Variants in HFM1 observed in about 807,000 individuals in gnomAD.
The protein encoded by HFM1 is helicase for meiosis 1.
In HFM1, 169 loss-of-function variants were observed where a neutral mutation model predicts 192.1. The observed-to-expected ratio is 0.88, with a 90% CI of 0.78 to 1.00. The LOEUF (loss-of-function observed/expected upper bound fraction) is 1.00, where lower values mean the gene tolerates loss of function less well. HFM1 is among the 50% of genes least tolerant of loss of function. The pLI is 0.00. For synonymous variants in HFM1, 525 were observed against 537.8 expected (o/e 0.98, Z 0.33); for missense variants, 1,661 against 1,668.0 (o/e 1.00, Z 0.07).
rs1045865047 is a variant in HFM1 at position 91,380,234 on chromosome 1, A to C, written c.876T>G (p.Leu292=). 10 of 1,527,554 alleles carry C rather than the reference A, an allele frequency of 6.5e-6. No homozygotes were observed. The highest frequency in any genetic ancestry group is 2.1e-5 in the Admixed American group (1 of 47,400). 94.6% of individuals were successfully genotyped at this position (1,527,554 alleles called of 1,614,324 possible). A position where few individuals can be genotyped will look rare whatever the true frequency, so the allele number is the denominator to read the frequency against. ...TCACAAAATTCCTATCTGTGTAAAG[A>C]AGCTAAAAAATAAAAAGTAATCAAT... is the stretch of plus-strand genomic sequence containing the variant. ...NYIQSKAFDD[L]LYTDRNFVIC... Residue 292 remains leucine, a splice_region_variant and synonymous_variant, in exon 8 of 39, where the codon CTT becomes CTG. Coordinates refer to ENST00000370425, the MANE Select transcript of HFM1 (RefSeq NM_001017975.6).
At position 91,352,487 on chromosome 1, in the gene HFM1, C is replaced by A; in HGVS notation, c.1977+19G>T. ...TTATCATGTTTTTAAGTATAAAAAG[C>A]AAAGTTATTGTCACTTACTTGAGGT... On this transcript the variant is annotated intron_variant, in intron 16 of 38. Coordinates refer to ENST00000370425, the MANE Select transcript of HFM1 (RefSeq NM_001017975.6). The A allele has an allele frequency of 2.0e-6, 3 of 1,527,090 alleles. No individual in the cohort carries two copies. The highest frequency in any genetic ancestry group is 1.4e-5 in the South Asian group (1 of 73,520). The allele number at this position is 1,527,090 out of a possible 1,614,324, so 94.6% of individuals were successfully genotyped here.
intron 20 of HFM1, among the ~76,000 whole-genome samples, chr1:91,339,893 G>A (rs1209901165): frequency 6.6e-6 from 1 of 151,874 alleles, no homozygotes; most frequent in Non-Finnish European, 1.5e-5. Flanking sequence ...AATATTCAGG[G>A]CAACTAGACA....
upstream of HFM1, among the ~76,000 whole-genome samples, chr1:91,407,210 G>A (rs1664844961): frequency 6.6e-6 from 1 of 152,110 alleles, no homozygotes; most frequent in Non-Finnish European, 1.5e-5. Flanking sequence ...CCCGTTGGGG[G>A]GTGAGGGGCT....
chr1:91,319,319 A>C lies in HFM1; in HGVS notation c.2654T>G (p.Phe885Cys), dbSNP rs763634505. ...FALTQDTAKI[F>C]RHGSRITRWL... Reference sequence around the variant, plus strand: ...TCTTGTAATTCGGGAGCCATGTCTGAAAATCTTTGCGGTATCTTGTGTCAA... The same window carrying C: ...TCTTGTAATTCGGGAGCCATGTCTGCAAATCTTTGCGGTATCTTGTGTCAA... Residue 885 changes from phenylalanine to cysteine, a missense_variant, in exon 24 of 39, where the codon TTC becomes TGC. Coordinates refer to ENST00000370425, the MANE Select transcript of HFM1 (RefSeq NM_001017975.6). 6 of 1,611,704 alleles carry C rather than the reference A, an allele frequency of 3.7e-6. No individual in the cohort carries two copies. Among genetic ancestry groups the C allele is most frequent in the Non-Finnish European group, 5.1e-6 (6 of 1,177,982 alleles).
intron 34 of HFM1, among the ~76,000 whole-genome samples, chr1:91,269,652 G>C (rs955316648): frequency 1.3e-5 from 2 of 152,138 alleles, no homozygotes; most frequent in Non-Finnish European, 2.9e-5. Context: ...GAATGCAGAG[G>C]AAGGAGGATC....
At chr1:91,271,935 A>G (rs1666339968) in intron 34 of HFM1, among the ~76,000 whole-genome samples, 1 of 152,144 alleles carries the variant, frequency 6.6e-6, no homozygotes, top group South Asian at 2.1e-4. Flanking sequence ...GGCTTCTTTC[A>G]CTATAAAATG....
At chr1:91,343,230 C>CAGAAA in intron 20 of HFM1, among the ~76,000 whole-genome samples, 200 bp downstream of exon 20, 1 of 74,874 alleles carries the variant, frequency 1.3e-5, no homozygotes, top group South Asian at 6.3e-4. Flanking sequence ...GACTCTGTCT[C>CAGAAA]AAAAAAAAAA....
Position 91,347,465 on chromosome 1 carries a change from C to A in HFM1, c.2218G>T (p.Gly740Ter), listed in dbSNP as rs1225544201. 1.4e-5 allele frequency: 23 copies of A among 1,586,368 alleles called. No individual in the cohort carries two copies. The highest frequency in any genetic ancestry group is 1.8e-5 in the Non-Finnish European group (21 of 1,164,936). Residue 740 changes from glycine (G) to a stop codon, truncating the protein, a stop_gained, in exon 19 of 39, where the codon GGA becomes TGA. Transcript: ENST00000370425. LOFTEE classifies it high-confidence loss of function. ...GCTTCAATTCCATCTTTGTTCAATC[C>A]AGATGCAAAACCTGCATGTCATGAA... The part of the protein sequence containing the change: ...KNPSHYGFAS[G>*]LNKDGIEAKL...
At chr1:91,291,468 C>T (rs1404352978) in intron 30 of HFM1, among the ~76,000 whole-genome samples, 1 of 152,192 alleles carries the variant, frequency 6.6e-6, no homozygotes, top group Non-Finnish European at 1.5e-5. Context: ...TGGATACATT[C>T]CTCGACACAT....
chr1:91,288,950 G>A (rs1320288609), intron 30 of HFM1, among the ~76,000 whole-genome samples: 9 of 150,952 alleles, frequency 6.0e-5, no homozygotes, highest in Admixed American at 2.0e-4. Context: ...CAGACGGGCC[G>A]GCCGGGCAGA....
intron 6 of HFM1, among the ~76,000 whole-genome samples, chr1:91,382,156 A>G (rs975882932): frequency 6.6e-6 from 1 of 151,834 alleles, no homozygotes; most frequent in African/African-American, 2.4e-5. Context: ...TTCCTTCCAT[A>G]TTTCCTTGGC....
At chr1:91,377,754 C>T in intron 11 of HFM1, 1 of 417,298 alleles carries the variant, frequency 2.4e-6, no homozygotes, top group East Asian at 5.1e-5. Context: ...AGTGAAGTTA[C>T]TATGAGGCAC....
chr1:91,389,255 G>A (rs560750156), intron 4 of HFM1, among the ~76,000 whole-genome samples: 8 of 148,562 alleles, frequency 5.4e-5, no homozygotes, highest in African/African-American at 1.5e-4. Context: ...TCCGCCTCCC[G>A]GGTTCAAGTG....
At chr1:91,347,994 T>A (rs1656368875) in intron 18 of HFM1, among the ~76,000 whole-genome samples, 1 of 152,134 alleles carries the variant, frequency 6.6e-6, no homozygotes, top group Non-Finnish European at 1.5e-5. Context: ...CAAGAATAGA[T>A]AAAGCTAGCC....
intron 20 of HFM1, among the ~76,000 whole-genome samples, chr1:91,325,199 G>A (rs1652708593): frequency 1.3e-5 from 2 of 152,186 alleles, no homozygotes; most frequent in Non-Finnish European, 2.9e-5. Context: ...GTGAACATCA[G>A]TGATGACTTG....
Position 91,322,992 on chromosome 1 carries a change from G to T in HFM1, c.2540C>A (p.Pro847Gln). 2.2e-6 allele frequency: 3 copies of T among 1,368,226 alleles called. No homozygotes were observed. Among genetic ancestry groups the T allele is most frequent in the South Asian group, 1.6e-5 (1 of 63,468 alleles). 84.8% of individuals were successfully genotyped at this position (1,368,226 alleles called of 1,614,324 possible). A position where few individuals can be genotyped will look rare whatever the true frequency, so the allele number is the denominator to read the frequency against. Residue 847 changes from proline (P) to glutamine (Q), a missense_variant, in exon 23 of 39, where the codon CCA becomes CAA. By Grantham distance (76) the Pro-to-Gln change is moderately conservative (BLOSUM62 -1). Transcript: ENST00000370425. ...TCTTGTTTTAATTCTTCCTTCCATT[G>T]GAAATCTGTAAATAAAACCACATGG... is the stretch of plus-strand genomic sequence containing the variant. ...KDPNRITIRF[P>Q]MEGRIKTREM...
chr1:91,290,207 C>A (rs1271506021), intron 30 of HFM1, among the ~76,000 whole-genome samples: 1 of 152,084 alleles, frequency 6.6e-6, no homozygotes, highest in Admixed American at 6.6e-5. Flanking sequence ...ACAATATTAA[C>A]TTTAAATGTA....
intron 30 of HFM1, among the ~76,000 whole-genome samples, chr1:91,309,068 T>C (rs6691163): frequency 0.014 from 2,096 of 152,324 alleles, 50 homozygotes; most frequent in African/African-American, 0.047. Flanking sequence ...TCTTTTGTGT[T>C]CTTCAAAAGG....
At chr1:91,280,201 C>A (rs757483530) in intron 30 of HFM1, among the ~76,000 whole-genome samples, 1 of 151,962 alleles carries the variant, frequency 6.6e-6, no homozygotes, top group Admixed American at 6.6e-5. Flanking sequence ...TGGTCAGGAA[C>A]GTTGGGCTGA....
Sources: gnomAD v4.1 joint callset for allele counts (sites outside exome capture counted in the v4.1 genomes callset) on GRCh38, gnomAD v4.1.1 for gene constraint, MANE v1.5 for transcripts, NCBI Gene and HGNC (gene_info 2026-07-23, HGNC 2026-07-21) for gene names.